Variants in CHM observed in about 807,000 individuals in gnomAD.
CHM encodes rab proteins geranylgeranyltransferase component A 1.
A neutral mutation model predicts 49.0 loss-of-function variants in CHM; 10 were observed. The ratio of observed to expected loss-of-function variants is 0.20; its 90% CI spans 0.13 to 0.35. The LOEUF (loss-of-function observed/expected upper bound fraction) is 0.35, where lower values mean the gene tolerates loss of function less well. Among genes scored for constraint, CHM ranks in the 10% least tolerant of loss-of-function variants. The pLI, the probability that CHM is intolerant of heterozygous loss-of-function variation, is 1.00. For missense variants in CHM, 455 were observed against 478.4 expected (o/e 0.95, Z 0.46); for synonymous variants, 184 against 167.5 (o/e 1.10, Z -0.76).
chrX:86,040,381 C>G (rs959156976), intron 1 of CHM, among the ~76,000 whole-genome samples: 2 of 112,158 alleles, frequency 1.8e-5, no homozygotes, highest in African/African-American at 6.5e-5. Flanking sequence ...CCTCCTGGCA[C>G]AAGAGCGGCA....
intron 3 of CHM, among the ~76,000 whole-genome samples, chrX:85,981,476 C>T (rs752939017): frequency 1.5e-4 from 16 of 110,188 alleles, no homozygotes; most frequent in African/African-American, 4.0e-4. Context: ...TCAGGTGATC[C>T]GCCCACCTTG....
chrX:86,045,275 C>A (rs1317106919), intron 1 of CHM, among the ~76,000 whole-genome samples: 2 of 111,928 alleles, frequency 1.8e-5, no homozygotes, highest in African/African-American at 6.5e-5. Context: ...AGGCTACTTT[C>A]AGCAAACTAT....
chrX:85,869,651 A>G (rs749817812), intron 14 of CHM, among the ~76,000 whole-genome samples: 10 of 111,259 alleles, frequency 9.0e-5, no homozygotes, highest in Non-Finnish European at 1.9e-4. Context: ...CCTCTCTCTA[A>G]CTGCTGCAAC....
intron 14 of CHM, among the ~76,000 whole-genome samples, chrX:85,867,267 T>G (rs1380461324): frequency 8.9e-6 from 1 of 111,858 alleles, no homozygotes; most frequent in Non-Finnish European, 1.9e-5. Context: ...TGTTTGGCAG[T>G]TCCCTCTTTG....
At chrX:85,941,103 AGTT>A (rs1370662936) in intron 8 of CHM, among the ~76,000 whole-genome samples, 1 of 112,072 alleles carries the variant, frequency 8.9e-6, no homozygotes, top group Non-Finnish European at 1.9e-5. Context: ...TGCTTTAAAA[AGTT>A]GTTGTTGAAT....
intron 1 of CHM, among the ~76,000 whole-genome samples, chrX:86,036,864 C>G: frequency 9.0e-6 from 1 of 111,177 alleles, no homozygotes. Flanking sequence ...GAAAACAAGA[C>G]TGGCCATGAG....
chrX:85,922,086 G>A (rs923006928), intron 8 of CHM, among the ~76,000 whole-genome samples: 1 of 111,923 alleles, frequency 8.9e-6, no homozygotes, highest in Non-Finnish European at 1.9e-5. Flanking sequence ...TCTTAGTGCT[G>A]TTTACACACA....
At chrX:85,979,298 CAG>C (rs1931462371) in intron 3 of CHM, among the ~76,000 whole-genome samples, 1 of 110,867 alleles carries the variant, frequency 9.0e-6, no homozygotes, top group Non-Finnish European at 1.9e-5. Flanking sequence ...GTCAAAACAG[CAG>C]AGTCAAAATA....
chrX:85,887,027 A>G (rs763600207), intron 12 of CHM, among the ~76,000 whole-genome samples: 85 of 107,260 alleles, frequency 7.9e-4, no homozygotes, highest in Non-Finnish European at 1.5e-3. Context: ...AAGGCATAGT[A>G]TAAATAATAA....
chrX:85,866,657 C>T (rs959330815), intron 14 of CHM, among the ~76,000 whole-genome samples: 10 of 113,226 alleles, frequency 8.8e-5, no homozygotes, highest in African/African-American at 2.9e-4. Context: ...CCCATGAAAG[C>T]AGGCACAGTG....
intron 8 of CHM, among the ~76,000 whole-genome samples, 175 bp from the exon 9 acceptor site, chrX:85,911,513 A>T (rs1927028214): frequency 9.2e-6 from 1 of 108,469 alleles, no homozygotes; most frequent in African/African-American, 3.4e-5. Flanking sequence ...GATTAGTAAT[A>T]TCTTGACACA....
chrX:86,011,372 AT>A (rs2147767510), intron 2 of CHM, among the ~76,000 whole-genome samples: 1 of 111,757 alleles, frequency 8.9e-6, no homozygotes, highest in East Asian at 2.8e-4. Context: ...GGGGACCAGC[AT>A]AAAAAAGGCA....
chrX:85,932,617 C>T (rs1928502819), intron 8 of CHM, among the ~76,000 whole-genome samples: 1 of 112,023 alleles, frequency 8.9e-6, no homozygotes. Context: ...ACAGTGATTG[C>T]CTTAGTTTGC....
At chrX:85,970,906 T>A in intron 4 of CHM, 1 of 726,622 alleles carries the variant, frequency 1.4e-6, no homozygotes, top group Non-Finnish European at 1.6e-6. Flanking sequence ...ACCTAGCCTA[T>A]GATAGAATAA....
At chrX:85,943,517 T>C (rs976023782) in intron 8 of CHM, among the ~76,000 whole-genome samples, 4 of 111,887 alleles carry the variant, frequency 3.6e-5, no homozygotes, top group African/African-American at 9.7e-5. Context: ...TAAACTGGCA[T>C]TTTGTATTGG....
chrX:85,938,578 G>A (rs1447220643), intron 8 of CHM, among the ~76,000 whole-genome samples: 1 of 106,112 alleles, frequency 9.4e-6, no homozygotes, highest in Non-Finnish European at 1.9e-5. Context: ...GGGTTGCAGG[G>A]GGCAGTCACA....
At position 85,872,876 on chromosome X, in the gene CHM, GTATTTAAAGTA is replaced by G. The variant is rs1157676557; in HGVS notation, c.1770+165_1770+175del. On this transcript the variant is annotated intron_variant, in intron 14 of 14. Transcript: ENST00000357749. ...CAAGAAAGTGAAAATACCTGATCCT[GTATTTAAAGTA>G]TATTTAAAGTAGCTTTGTAGGTCAT... Among the ~76,000 whole-genome samples, 3 of 111,722 alleles carry G rather than the reference GTATTTAAAGTA, an allele frequency of 2.7e-5. No homozygotes were observed. The Admixed American group carries it at 2.9e-4, about 11-fold the overall frequency.
chrX:85,933,717 T>C (rs750415775), intron 8 of CHM, among the ~76,000 whole-genome samples: 2 of 112,097 alleles, frequency 1.8e-5, no homozygotes, highest in Non-Finnish European at 3.8e-5. Context: ...ATATTTTACA[T>C]TCTAATAGAG....
At chrX:85,969,510 C>T in intron 4 of CHM, 1 of 466,660 alleles carries the variant, frequency 2.1e-6, no homozygotes, top group Non-Finnish European at 2.7e-6. Context: ...GGTAGGAATG[C>T]AAATCAGTAC....
Sources: allele counts gnomAD v4.1 joint callset (sites outside exome capture counted in the v4.1 genomes callset), GRCh38; gene constraint gnomAD v4.1.1; transcripts MANE v1.5; gene names NCBI Gene and HGNC (gene_info 2026-07-23, HGNC 2026-07-21).